ARV1: variants seen among roughly 807,000 people sequenced by gnomAD.
ARV1 encodes ARV1 fatty acid homeostasis modulator.
ARV1 carries 26 observed loss-of-function variants against 31.1 expected under a neutral mutation model. That is an observed-to-expected ratio of 0.84 (90% confidence interval 0.61 to 1.16). The LOEUF (loss-of-function observed/expected upper bound fraction) is 1.16, where lower values mean the gene tolerates loss of function less well. Among genes scored for constraint, ARV1 ranks in the 50% most tolerant of loss-of-function variants. The pLI, the probability that ARV1 is intolerant of heterozygous loss-of-function variation, is 0.00. For synonymous variants in ARV1, 117 were observed against 123.2 expected (o/e 0.95, Z 0.34); for missense variants, 281 against 324.9 (o/e 0.86, Z 1.04).
chr1:230,999,313 T>C (rs1272635758), intron 5 of ARV1, among the ~76,000 whole-genome samples: 1 of 152,146 alleles, frequency 6.6e-6, no homozygotes, highest in Non-Finnish European at 1.5e-5. Flanking sequence ...TCAGCTCTTT[T>C]CACCCACACC....
chr1:231,000,132 TCA>T lies in ARV1; in HGVS notation c.*5-3_*5-2del, dbSNP rs991143218. The T allele has an allele frequency of 1.3e-5, 2 of 152,238 alleles. No individual in the cohort carries two copies. The highest frequency in any genetic ancestry group is 4.8e-5 in the African/African-American group (2 of 41,462). The allele number at this position is 152,238 out of a possible 1,614,324, so 9.4% of individuals were successfully genotyped here. ...GCATTCTAAATACATCCTTTATTTT[TCA>T]CAGTTTTATTCTTCTTCACTATCTG... is the stretch of plus-strand genomic sequence containing the variant. On this transcript the variant is annotated splice_region_variant and splice_polypyrimidine_tract_variant and intron_variant, in intron 5 of 5. Transcript: ENST00000310256.
chr1:230,986,217 C>G (rs1284299926), intron 1 of ARV1, among the ~76,000 whole-genome samples: 3 of 152,124 alleles, frequency 2.0e-5, no homozygotes, highest in Non-Finnish European at 4.4e-5. Context: ...GCCACCATGC[C>G]TGGCCCTGAT....
chr1:230,997,112 C>T lies in ARV1; in HGVS notation c.674-9C>T. 6.2e-7 allele frequency: 1 copy of T among 1,613,014 alleles called. No homozygotes were observed. The highest frequency in any genetic ancestry group is 1.1e-5 in the South Asian group (1 of 90,736). On this transcript the variant is annotated splice_polypyrimidine_tract_variant and intron_variant, in intron 4 of 5. Transcript: ENST00000310256. ...ATTCTGAACTTATTGGCTGCCTTCT[C>T]CTTTCCAGTGACCCTAAACATCAAC...
chr1:230,988,619 G>T (rs916362381), intron 2 of ARV1, among the ~76,000 whole-genome samples, 180 bp downstream of exon 2: 1 of 152,130 alleles, frequency 6.6e-6, no homozygotes, highest in African/African-American at 2.4e-5. Flanking sequence ...TGTTGATTTT[G>T]AAAGGTGCAC....
In ARV1 at chr1:230,997,185, C is replaced by T. The variant is rs1223572495; in HGVS notation, c.738C>T (p.Ser246=). The T allele has an allele frequency of 6.8e-6, 11 of 1,613,802 alleles. No homozygotes were observed. Among genetic ancestry groups the T allele is most frequent in the South Asian group, 1.1e-5 (1 of 91,076 alleles). ...LAVLSGLLLE[S]IMVYFFQSME... is the part of the protein sequence containing the mutation. ...TGTTGAGTGGCTTACTGCTGGAAAG[C>T]ATCATGGTCTACTTCTTCCAGAGTA... Residue 246 remains serine, a synonymous_variant, in exon 5 of 6, where the codon AGC becomes AGT. Coordinates refer to ENST00000310256, the MANE Select transcript of ARV1 (RefSeq NM_022786.3).
At chr1:230,990,562 A>G (rs1679200485) in intron 3 of ARV1, 1 of 265,854 alleles carries the variant, frequency 3.8e-6, no homozygotes, top group Non-Finnish European at 7.1e-6. Context: ...TTTTATTATT[A>G]TATATTTTTT....
chr1:230,991,631 C>CTTTTT (rs35843547), intron 3 of ARV1, among the ~76,000 whole-genome samples: 1 of 133,020 alleles, frequency 7.5e-6, no homozygotes, highest in Admixed American at 7.8e-5. Context: ...AGTACTTCTA[C>CTTTTT]TTTTTTTTTT....
At chr1:230,991,041 C>G (rs1340644235) in intron 3 of ARV1, among the ~76,000 whole-genome samples, 1 of 152,142 alleles carries the variant, frequency 6.6e-6, no homozygotes, top group Non-Finnish European at 1.5e-5. Context: ...TGTTACTTAT[C>G]TGAGTGCATG....
At chr1:230,998,923 A>T (rs1393390731) in intron 5 of ARV1, among the ~76,000 whole-genome samples, 1 of 152,262 alleles carries the variant, frequency 6.6e-6, no homozygotes, top group East Asian at 1.9e-4. Flanking sequence ...AAACAAAAAA[A>T]TACACAAGGA....
At position 230,979,401 on chromosome 1, in the gene ARV1, C is replaced by G. The variant is rs573885822; in HGVS notation, c.174+122C>G. The stretch of plus-strand genomic sequence containing the variant: ...GGTAGTTGACATTCCCGCCCGGGAT[C>G]TTTGCATGAATATCTGTACTGATAG... On this transcript the variant is annotated intron_variant, in intron 1 of 5. Transcript: ENST00000310256. The G allele has an allele frequency of 5.1e-5, 58 of 1,136,808 alleles. 2 individuals are homozygous for G. The East Asian group carries it at 1.4e-3, about 27-fold the overall frequency. The allele number at this position is 1,136,808 out of a possible 1,614,324, so 70.4% of individuals were successfully genotyped here.
intron 5 of ARV1, 62 bp downstream of exon 5, chr1:230,997,329 T>G: frequency 1.9e-6 from 3 of 1,564,280 alleles, no homozygotes; most frequent in Non-Finnish European, 1.7e-6. Context: ...AAGACAGATG[T>G]CATTGTAAAA....
chr1:230,988,051 A>G (rs1193850065), intron 1 of ARV1, among the ~76,000 whole-genome samples: 2 of 152,164 alleles, frequency 1.3e-5, no homozygotes, highest in African/African-American at 4.8e-5. Flanking sequence ...TCCTGCCTAA[A>G]CTCAGTCTTT....
rs1558242694 is a variant in ARV1 at position 230,986,666 on chromosome 1, CTA to C, written c.175-1652_175-1651del. Among the ~76,000 whole-genome samples, 105 of 79,724 alleles carry C rather than the reference CTA, an allele frequency of 1.3e-3. 2 individuals are homozygous for C. The highest frequency in any genetic ancestry group is 2.3e-3 in the East Asian group (5 of 2,178). The allele number at this position is 79,724 out of a possible 152,430, so 52.3% of individuals were successfully genotyped here. A position where few individuals can be genotyped will look rare whatever the true frequency, so the allele number is the denominator to read the frequency against. ...TCCACCCACAAATGTAATACTTTTCCTATTTTTTTTTTTTTTTTTTTTTTTTT... is the reference window on the plus strand; with the variant it reads ...TCCACCCACAAATGTAATACTTTTCCTTTTTTTTTTTTTTTTTTTTTTTTT... On this transcript the variant is annotated intron_variant, in intron 1 of 5. Transcript: ENST00000310256.
intron 1 of ARV1, among the ~76,000 whole-genome samples, 162 bp from the exon 2 acceptor site, chr1:230,988,158 A>T (rs1184107636): frequency 6.6e-6 from 1 of 152,236 alleles, no homozygotes; most frequent in Admixed American, 6.5e-5. Flanking sequence ...ACCCTTTCTT[A>T]TATAGATGAA....
chr1:230,992,987 A>T (rs1287724549), intron 3 of ARV1, among the ~76,000 whole-genome samples: 1 of 152,280 alleles, frequency 6.6e-6, no homozygotes, highest in Non-Finnish European at 1.5e-5. Flanking sequence ...TTATCTTATG[A>T]AACATAATAC....
intron 3 of ARV1, among the ~76,000 whole-genome samples, chr1:230,991,910 G>A (rs1318323805): frequency 6.6e-6 from 1 of 152,148 alleles, no homozygotes; most frequent in Admixed American, 6.5e-5. Context: ...TTACAGGCAT[G>A]AGCCACTGCG....
At chr1:230,980,433 T>G (rs1678844689) in intron 1 of ARV1, among the ~76,000 whole-genome samples, 1 of 151,964 alleles carries the variant, frequency 6.6e-6, no homozygotes, top group Non-Finnish European at 1.5e-5. Flanking sequence ...GCCTCCCAAG[T>G]TCAAGCAATT....
At chr1:230,996,441 T>C (rs1160529165) in intron 4 of ARV1, among the ~76,000 whole-genome samples, 1 of 152,148 alleles carries the variant, frequency 6.6e-6, no homozygotes, top group Non-Finnish European at 1.5e-5. Flanking sequence ...CTATTTTATT[T>C]ATTTTTATTT....
At chr1:230,984,373 T>TGTGTGCGTGC (rs1553303986) in intron 1 of ARV1, among the ~76,000 whole-genome samples, 1 of 111,016 alleles carries the variant, frequency 9.0e-6, no homozygotes, top group African/African-American at 3.3e-5. Context: ...CGTGTGTGTG[T>TGTGTGCGTGC]GTGTGTGTGT....
Sources: allele counts gnomAD v4.1 joint callset (sites outside exome capture counted in the v4.1 genomes callset), GRCh38; gene constraint gnomAD v4.1.1; transcripts MANE v1.5; gene names NCBI Gene and HGNC (gene_info 2026-07-23, HGNC 2026-07-21).